Variants in GRIK4 observed in about 807,000 individuals in gnomAD.
The protein encoded by GRIK4 is glutamate ionotropic receptor kainate type subunit 4, also known as glutamate receptor ionotropic, kainate 4.
GRIK4 carries 40 observed loss-of-function variants against 104.9 expected under a neutral mutation model. That is an observed-to-expected ratio of 0.38 (90% CI 0.30 to 0.50). The LOEUF is 0.50. Among genes scored for constraint, GRIK4 ranks in the 20% least tolerant of loss-of-function variants. The pLI, the probability that GRIK4 is intolerant of heterozygous loss-of-function variation, is 0.93. For synonymous variants in GRIK4, 485 were observed against 524.9 expected (o/e 0.92, Z 1.04); for missense variants, 1,047 against 1,308.1 (o/e 0.80, Z 3.08).
intron 3 of GRIK4, among the ~76,000 whole-genome samples, chr11:120,662,540 C>T (rs868151212): frequency 2.4e-4 from 37 of 152,138 alleles, no homozygotes; most frequent in African/African-American, 8.4e-4. Flanking sequence ...TGTGGAGTAG[C>T]GCAGGGATGG....
chr11:120,959,444 C>A (rs1944239622), intron 16 of GRIK4, among the ~76,000 whole-genome samples: 1 of 152,244 alleles, frequency 6.6e-6, no homozygotes, highest in South Asian at 2.1e-4. Flanking sequence ...TTGCCAAGTT[C>A]TGTGTGTTAA....
intron 13 of GRIK4, among the ~76,000 whole-genome samples, chr11:120,915,574 A>T (rs953232145): frequency 6.6e-6 from 1 of 151,730 alleles, no homozygotes; most frequent in Non-Finnish European, 1.5e-5. Flanking sequence ...AGCCCAGCCA[A>T]TGCCCTACCT....
intron 3 of GRIK4, among the ~76,000 whole-genome samples, chr11:120,761,963 T>C (rs929571924): frequency 6.6e-6 from 1 of 152,214 alleles, no homozygotes; most frequent in Non-Finnish European, 1.5e-5. Flanking sequence ...AAATTTAAAG[T>C]AATTTTTTCT....
At chr11:120,669,685 C>T (rs1354646466) in intron 3 of GRIK4, among the ~76,000 whole-genome samples, 1 of 152,222 alleles carries the variant, frequency 6.6e-6, no homozygotes, top group Non-Finnish European at 1.5e-5. Flanking sequence ...TAGACCACGC[C>T]CCATCTTGTT....
chr11:120,850,005 A>G (rs1953938956), intron 8 of GRIK4, among the ~76,000 whole-genome samples: 1 of 152,176 alleles, frequency 6.6e-6, no homozygotes, highest in Admixed American at 6.5e-5. Context: ...GGTTATAGGA[A>G]TGAAATCTGT....
chr11:120,522,984 A>G (rs1035246537), intron 1 of GRIK4, among the ~76,000 whole-genome samples: 1 of 151,900 alleles, frequency 6.6e-6, no homozygotes, highest in Non-Finnish European at 1.5e-5. Flanking sequence ...GTGCACAGAC[A>G]CCTGCTGAAT....
At chr11:120,919,091 A>G (rs10892641) in intron 13 of GRIK4, among the ~76,000 whole-genome samples, 56,042 of 152,114 alleles carry the variant, frequency 0.37, 10,678 homozygotes, top group East Asian at 0.42. Flanking sequence ...AACCACTGCA[A>G]TGCCTCTCAG....
At chr11:120,873,783 G>A in intron 9 of GRIK4, 1 of 297,088 alleles carries the variant, frequency 3.4e-6, no homozygotes, top group Non-Finnish European at 6.2e-6. Context: ...AGAGAGAAAA[G>A]GGTACACTTG....
At chr11:120,584,520 G>C (rs1287062126) in intron 1 of GRIK4, among the ~76,000 whole-genome samples, 1 of 152,184 alleles carries the variant, frequency 6.6e-6, no homozygotes, top group African/African-American at 2.4e-5. Context: ...GAGACAGAGA[G>C]AGAGGTAAGG....
chr11:120,844,910 G>A (rs1237379623), intron 8 of GRIK4, among the ~76,000 whole-genome samples: 1 of 152,196 alleles, frequency 6.6e-6, no homozygotes, highest in Non-Finnish European at 1.5e-5. Context: ...GGGCAGAAGA[G>A]TGCAAGGACA....
intron 14 of GRIK4, among the ~76,000 whole-genome samples, chr11:120,951,604 GC>G (rs1944002487): frequency 6.6e-6 from 1 of 152,160 alleles, no homozygotes; most frequent in South Asian, 2.1e-4. Flanking sequence ...TGGATTTCTG[GC>G]ATCATAGAAT....
chr11:120,552,259 C>T (rs1281473981), intron 1 of GRIK4, among the ~76,000 whole-genome samples: 3 of 152,166 alleles, frequency 2.0e-5, no homozygotes, highest in Non-Finnish European at 4.4e-5. Flanking sequence ...TTGGAGGATA[C>T]CCCATTGGTG....
chr11:120,878,961 A>G (rs960977785), intron 11 of GRIK4, among the ~76,000 whole-genome samples: 1 of 152,180 alleles, frequency 6.6e-6, no homozygotes, highest in Non-Finnish European at 1.5e-5. Flanking sequence ...CAGGGGAAAT[A>G]ACATCTTTTG....
intron 14 of GRIK4, among the ~76,000 whole-genome samples, chr11:120,944,850 GTGT>G: frequency 6.6e-6 from 1 of 152,196 alleles, no homozygotes; most frequent in Non-Finnish European, 1.5e-5. Context: ...TTGTAAAAAT[GTGT>G]TGTCGTGCAA....
intron 1 of GRIK4, among the ~76,000 whole-genome samples, chr11:120,545,366 T>C (rs890809512): frequency 6.6e-6 from 1 of 152,190 alleles, no homozygotes; most frequent in Non-Finnish European, 1.5e-5. Context: ...TATGTGCTCA[T>C]TGAAGAGAGT....
chr11:120,540,304 T>C (rs1450874299), intron 1 of GRIK4, among the ~76,000 whole-genome samples: 1 of 152,172 alleles, frequency 6.6e-6, no homozygotes, highest in Non-Finnish European at 1.5e-5. Flanking sequence ...GGTGTCTTCC[T>C]TAGGATCCTC....
At chr11:120,685,610 A>C (rs1452035036) in intron 3 of GRIK4, among the ~76,000 whole-genome samples, 1 of 152,090 alleles carries the variant, frequency 6.6e-6, no homozygotes, top group Non-Finnish European at 1.5e-5. Context: ...CTCCATGCAC[A>C]CACCTGGACC....
intron 3 of GRIK4, among the ~76,000 whole-genome samples, chr11:120,661,475 C>T (rs944871681): frequency 6.6e-6 from 1 of 152,344 alleles, no homozygotes; most frequent in South Asian, 2.1e-4. Flanking sequence ...AGGCAGGAAT[C>T]TAGATCTTAA....
intron 3 of GRIK4, among the ~76,000 whole-genome samples, chr11:120,699,710 G>A (rs1009792446): frequency 8.1e-4 from 123 of 152,282 alleles, no homozygotes; most frequent in African/African-American, 2.8e-3. Flanking sequence ...AAAGTGACAT[G>A]TAAGTAAAGA....
Sources: gnomAD v4.1 joint callset for allele counts (sites outside exome capture counted in the v4.1 genomes callset) on GRCh38, gnomAD v4.1.1 for gene constraint, MANE v1.5 for transcripts, NCBI Gene and HGNC (gene_info 2026-07-23, HGNC 2026-07-21) for gene names.